The following WASHC3 variants were observed in gnomAD, a reference collection of about 807,000 sequenced individuals.
The protein encoded by WASHC3 is WASH complex subunit 3.
A neutral mutation model predicts 26.1 loss-of-function variants in WASHC3; 24 were observed. That is an observed-to-expected ratio of 0.92 (90% CI 0.66 to 1.29). WASHC3 has a LOEUF of 1.29. WASHC3 is among the 50% of genes most tolerant of loss of function. The pLI is 0.00. For missense variants in WASHC3, 214 were observed against 229.6 expected, an observed-to-expected ratio of 0.93 and a Z score of 0.44; for synonymous variants, 77 against 75.7, an observed-to-expected ratio of 1.02 and a Z score of -0.09.
chr12:102,061,971 C>A lies in WASHC3; in HGVS notation c.-9G>T. 6 of 1,592,728 alleles carry A rather than the reference C, an allele frequency of 3.8e-6. No homozygotes were observed. Among genetic ancestry groups the A allele is most frequent in the South Asian group, 1.1e-5 (1 of 87,898 alleles). ...AGCCCGTCCTCATCCATCTCCTCAG[C>A]GGGCGGTGGACCCCGAGTTCACCCA... On this transcript the variant is annotated 5_prime_UTR_variant, in exon 1 of 7. Transcript: ENST00000240079.
intron 2 of WASHC3, among the ~76,000 whole-genome samples, chr12:102,053,282 G>A (rs10860836): frequency 0.039 from 5,915 of 151,986 alleles, 396 homozygotes; most frequent in East Asian, 0.3. Context: ...GGAACCCTAA[G>A]GATCCAGGCC....
At chr12:102,022,648 T>C (rs1414078784) in intron 6 of WASHC3, among the ~76,000 whole-genome samples, 1 of 152,236 alleles carries the variant, frequency 6.6e-6, no homozygotes. Context: ...ATGAATTTCA[T>C]GGCTTGCTGA....
chr12:102,022,544 C>G lies in WASHC3; in HGVS notation c.500+3430G>C, dbSNP rs1414878143. On this transcript the variant is annotated intron_variant, in intron 6 of 6. Coordinates refer to ENST00000240079, the MANE Select transcript of WASHC3 (RefSeq NM_016053.4). ...AGGTAATCAAACCAGGGTTACACAA[C>G]TAGAAAGTGGCAAGTAATACAAGTA... 3.3e-5 allele frequency among the ~76,000 whole-genome samples: 5 copies of G among 152,158 alleles called. No individual in the cohort carries two copies. In the East Asian group the frequency reaches 9.6e-4, roughly 29 times the overall value.
At chr12:102,052,913 C>A (rs755858962) in intron 2 of WASHC3, among the ~76,000 whole-genome samples, 7 of 151,846 alleles carry the variant, frequency 4.6e-5, no homozygotes, top group Non-Finnish European at 1.0e-4. Flanking sequence ...TCCAGTCTGG[C>A]CCCTGTGACC....
At chr12:102,040,957 T>C (rs566205903) in intron 4 of WASHC3, among the ~76,000 whole-genome samples, 2 of 152,130 alleles carry the variant, frequency 1.3e-5, no homozygotes, top group East Asian at 3.9e-4. Context: ...GTCTTTAGAC[T>C]ATGAATGTGA....
chr12:102,024,156 T>C (rs1375362343), intron 6 of WASHC3, among the ~76,000 whole-genome samples: 2 of 152,210 alleles, frequency 1.3e-5, no homozygotes, highest in African/African-American at 4.8e-5. Flanking sequence ...AATAGGCATA[T>C]GTGAAAGAAT....
chr12:102,061,100 G>A (rs1007330808), intron 2 of WASHC3, 148 bp downstream of exon 2: 6 of 602,236 alleles, frequency 1.0e-5, no homozygotes, highest in Non-Finnish European at 1.5e-5. Context: ...CAGAGTAAAA[G>A]AGAACCTAAG....
upstream of WASHC3, chr12:102,062,044 A>C (rs1164442671): frequency 5.5e-6 from 7 of 1,267,732 alleles, no homozygotes; most frequent in African/African-American, 6.0e-5. Context: ...TCACGTCTCA[A>C]CTTTCCCCCC....
intron 6 of WASHC3, among the ~76,000 whole-genome samples, chr12:102,024,723 G>A (rs1877101402): frequency 6.6e-6 from 1 of 152,130 alleles, no homozygotes; most frequent in South Asian, 2.1e-4. Context: ...TGTTATTATA[G>A]GAGGTCTAAC....
chr12:102,058,007 A>C (rs953003966), intron 2 of WASHC3, among the ~76,000 whole-genome samples: 1 of 152,090 alleles, frequency 6.6e-6, no homozygotes, highest in African/African-American at 2.4e-5. Flanking sequence ...TGATTTGAAA[A>C]TCTACCACAA....
At chr12:102,028,444 TCTA>T (rs1877290049) in intron 5 of WASHC3, among the ~76,000 whole-genome samples, 1 of 152,144 alleles carries the variant, frequency 6.6e-6, no homozygotes, top group South Asian at 2.1e-4. Context: ...CCTCTTGGCT[TCTA>T]CTAACTATGG....
chr12:102,037,766 C>T (rs1346692941), intron 5 of WASHC3, among the ~76,000 whole-genome samples: 1 of 151,656 alleles, frequency 6.6e-6, no homozygotes, highest in African/African-American at 2.4e-5. Context: ...TTTAAAGGGT[C>T]ATTTATTTTA....
intron 6 of WASHC3, among the ~76,000 whole-genome samples, chr12:102,015,157 T>C (rs1299033111): frequency 3.3e-5 from 5 of 151,994 alleles, no homozygotes; most frequent in Admixed American, 6.5e-5. Flanking sequence ...ATAGAGAAAT[T>C]AGCCAGTAGT....
At chr12:102,044,082 C>T (rs1442467221) in intron 4 of WASHC3, 23 bp downstream of exon 4, 2 of 1,300,112 alleles carry the variant, frequency 1.5e-6, no homozygotes, top group Non-Finnish European at 2.2e-6. Flanking sequence ...AGAACATCTG[C>T]TCGTTTCTTA....
At chr12:102,050,600 G>T (rs546796510) in intron 2 of WASHC3, 7 of 453,930 alleles carry the variant, frequency 1.5e-5, no homozygotes, top group African/African-American at 4.0e-5. Context: ...CTGTGATCAC[G>T]CCACTGCACT....
At chr12:102,047,663 T>G (rs1229337249) in intron 2 of WASHC3, among the ~76,000 whole-genome samples, 1 of 152,156 alleles carries the variant, frequency 6.6e-6, no homozygotes, top group Non-Finnish European at 1.5e-5. Flanking sequence ...CAAATTAATA[T>G]GTAAAGTGAA....
chr12:102,042,061 A>C (rs1210630346), intron 4 of WASHC3, among the ~76,000 whole-genome samples: 1 of 152,146 alleles, frequency 6.6e-6, no homozygotes, highest in Non-Finnish European at 1.5e-5. Context: ...AGGTATACTT[A>C]AAAATCTTAC....
intron 6 of WASHC3, among the ~76,000 whole-genome samples, chr12:102,017,978 G>T (rs908456609): frequency 6.6e-6 from 1 of 151,878 alleles, no homozygotes; most frequent in Non-Finnish European, 1.5e-5. Context: ...TCCCTTATCC[G>T]TCCAGCTGCT....
At position 102,013,144 on chromosome 12, in the gene WASHC3, T is replaced by C; in HGVS notation, c.549A>G (p.Glu183=). 1 of 1,549,568 alleles carries C rather than the reference T, an allele frequency of 6.5e-7. No individual in the cohort carries two copies. The highest frequency in any genetic ancestry group is 8.8e-7 in the Non-Finnish European group (1 of 1,140,578). The change falls in exon 7 of 7, where the codon GAA becomes GAG. Residue 183 remains glutamate, a synonymous_variant. Transcript: ENST00000240079. ...VPDGESEKTV[E]ESSDSESSFS... is the part of the protein sequence containing the mutation. Reference sequence around the variant, plus strand: ...AAGAAGATTCGCTATCTGAACTTTCTTCTACAGTTTTCTCACTTTCGCCAT... The same window carrying C: ...AAGAAGATTCGCTATCTGAACTTTCCTCTACAGTTTTCTCACTTTCGCCAT...
Sources: gnomAD v4.1 joint callset for allele counts (sites outside exome capture counted in the v4.1 genomes callset) on GRCh38, gnomAD v4.1.1 for gene constraint, MANE v1.5 for transcripts, NCBI Gene and HGNC (gene_info 2026-07-23, HGNC 2026-07-21) for gene names.